Variants in NCKAP1 observed in about 807,000 individuals in gnomAD.
NCKAP1 encodes the protein nck-associated protein 1.
Under a neutral mutation model 151.2 loss-of-function variants are expected in NCKAP1, and 21 were observed. That is an observed-to-expected ratio of 0.14 (90% confidence interval 0.10 to 0.20). NCKAP1 has a LOEUF of 0.20. NCKAP1 is among the 10% of genes least tolerant of loss of function. The probability of loss-of-function intolerance (pLI) is 1.00; values close to 1 mark genes in which losing one functional copy is unlikely to be tolerated. For synonymous variants in NCKAP1, 484 were observed against 451.8 expected, an observed-to-expected ratio of 1.07 and a Z score of -0.90; for missense variants, 933 against 1,352.1, an observed-to-expected ratio of 0.69 and a Z score of 4.86.
At position 182,923,946 on chromosome 2, in the gene NCKAP1, C is replaced by T. The variant is rs1241327789; in HGVS notation, c.*1756G>A. 1 of 152,176 alleles carries T rather than the reference C, an allele frequency of 6.6e-6. No homozygotes were observed. The highest frequency in any genetic ancestry group is 2.4e-5 in the African/African-American group (1 of 41,450). The allele number at this position is 152,176 out of a possible 1,614,324, so 9.4% of individuals were successfully genotyped here. On this transcript the variant is annotated 3_prime_UTR_variant, in exon 31 of 31. Transcript: ENST00000361354. ...TTATTTTCATCCTTATGCCCTTTCACATATGATTCCAAAGTGTACATATCC... is the reference window on the plus strand; with the variant it reads ...TTATTTTCATCCTTATGCCCTTTCATATATGATTCCAAAGTGTACATATCC...
intron 1 of NCKAP1, among the ~76,000 whole-genome samples, chr2:183,034,856 T>C (rs999888966): frequency 6.6e-6 from 1 of 152,140 alleles, no homozygotes; most frequent in African/African-American, 2.4e-5. Flanking sequence ...TAGTGTTCCT[T>C]TTACAGTTAA....
At chr2:183,005,754 A>G (rs1698459348) in intron 2 of NCKAP1, among the ~76,000 whole-genome samples, 1 of 152,104 alleles carries the variant, frequency 6.6e-6, no homozygotes, top group South Asian at 2.1e-4. Context: ...GTATTCACAC[A>G]CTACATACGG....
intron 18 of NCKAP1, among the ~76,000 whole-genome samples, chr2:182,960,899 C>A (rs1256418414): frequency 1.3e-5 from 2 of 152,040 alleles, no homozygotes; most frequent in African/African-American, 2.4e-5. Context: ...AAACAAACAA[C>A]CCCATCAAAA....
intron 15 of NCKAP1, among the ~76,000 whole-genome samples, chr2:182,973,342 TA>T (rs1697738036): frequency 6.6e-6 from 1 of 151,978 alleles, no homozygotes; most frequent in Non-Finnish European, 1.5e-5. Flanking sequence ...TAAAAGAATA[TA>T]AACAATTTGA....
At chr2:182,999,939 G>T (rs976688366) in intron 6 of NCKAP1, among the ~76,000 whole-genome samples, 1 of 152,102 alleles carries the variant, frequency 6.6e-6, no homozygotes, top group African/African-American at 2.4e-5. Context: ...ACTTATAAGG[G>T]GAAGCTAAGC....
chr2:182,960,346 A>G (rs1378504636), intron 18 of NCKAP1, among the ~76,000 whole-genome samples: 1 of 152,256 alleles, frequency 6.6e-6, no homozygotes, highest in Non-Finnish European at 1.5e-5. Context: ...ACAAGGCTAC[A>G]GTAACCAAAA....
intron 18 of NCKAP1, among the ~76,000 whole-genome samples, chr2:182,958,979 T>C (rs1205141822): frequency 1.3e-5 from 2 of 152,132 alleles, no homozygotes; most frequent in African/African-American, 2.4e-5. Flanking sequence ...CATTTTGGGG[T>C]ATATAGGGTT....
intron 6 of NCKAP1, among the ~76,000 whole-genome samples, chr2:182,997,442 G>A (rs950189638): frequency 2.6e-5 from 4 of 152,060 alleles, no homozygotes; most frequent in African/African-American, 4.8e-5. Flanking sequence ...ATGTTGTGTC[G>A]CTATTTTCAT....
intron 23 of NCKAP1, among the ~76,000 whole-genome samples, chr2:182,946,138 G>A (rs1575022170): frequency 6.6e-6 from 1 of 152,152 alleles, no homozygotes; most frequent in East Asian, 1.9e-4. Flanking sequence ...AGTGGCTCAC[G>A]CCTGTAATCT....
intron 23 of NCKAP1, among the ~76,000 whole-genome samples, chr2:182,949,134 G>C (rs1697165432): frequency 6.6e-6 from 1 of 152,128 alleles, no homozygotes; most frequent in African/African-American, 2.4e-5. Flanking sequence ...TTACTACTTA[G>C]ATACTAAATC....
intron 15 of NCKAP1, among the ~76,000 whole-genome samples, chr2:182,972,196 T>C (rs1049999884): frequency 3.1e-5 from 2 of 63,644 alleles, no homozygotes; most frequent in African/African-American, 1.2e-4. Flanking sequence ...ACAATCAGAA[T>C]ATATAAGGAA....
chr2:183,004,024 T>C (rs1698420567), intron 2 of NCKAP1, among the ~76,000 whole-genome samples: 2 of 152,218 alleles, frequency 1.3e-5, no homozygotes, highest in East Asian at 1.9e-4. Flanking sequence ...TAAAAGAATC[T>C]AGCTATTTTT....
rs1696659575 is a variant in NCKAP1 at position 182,926,916 on chromosome 2, T to C, written c.3181-11A>G. ...ACTGGAGGATGCAAGCTTAAAAGTA[T>C]ACATACACATAAAGTGAGTTTGTTA... On this transcript the variant is annotated splice_polypyrimidine_tract_variant and intron_variant, in intron 29 of 30. Coordinates refer to ENST00000361354, the MANE Select transcript of NCKAP1 (RefSeq NM_013436.5). 1.3e-6 allele frequency: 2 copies of C among 1,551,820 alleles called. No homozygotes were observed. The highest frequency in any genetic ancestry group is 1.8e-6 in the Non-Finnish European group (2 of 1,131,532).
In NCKAP1 at chr2:182,918,614, G is replaced by GT. The variant is rs1180101484; in HGVS notation, c.*7087dup. 6.6e-6 allele frequency: 1 copy of GT among 152,228 alleles called. No individual in the cohort carries two copies. Among genetic ancestry groups the GT allele is most frequent in the African/African-American group, 2.4e-5 (1 of 41,462 alleles). The allele number at this position is 152,228 out of a possible 1,614,324, so 9.4% of individuals were successfully genotyped here. On this transcript the variant is annotated 3_prime_UTR_variant, in exon 31 of 31. Coordinates refer to ENST00000361354, the MANE Select transcript of NCKAP1 (RefSeq NM_013436.5). ...AACCAAATACCGTATGTTCTCACTT[G>GT]TAAGTGGGAGCTAAGCTATGTGTAT...
At chr2:183,017,099 T>G (rs1382034485) in intron 2 of NCKAP1, among the ~76,000 whole-genome samples, 1 of 152,124 alleles carries the variant, frequency 6.6e-6, no homozygotes, top group Non-Finnish European at 1.5e-5. Context: ...AGTTTTCTGT[T>G]TAGCTTGTGG....
intron 18 of NCKAP1, among the ~76,000 whole-genome samples, chr2:182,958,572 G>A (rs1424541837): frequency 6.6e-6 from 1 of 152,190 alleles, no homozygotes; most frequent in East Asian, 1.9e-4. Context: ...ATAGGCAAGT[G>A]TAATAAAAAA....
At chr2:183,002,881 C>T in intron 4 of NCKAP1, 93 bp downstream of exon 4, 2 of 814,624 alleles carry the variant, frequency 2.5e-6, no homozygotes, top group Non-Finnish European at 4.0e-6. Flanking sequence ...ACTTTATATG[C>T]TAGTTACATA....
intron 28 of NCKAP1, 82 bp downstream of exon 28, chr2:182,928,701 G>T: frequency 1.1e-6 from 1 of 917,528 alleles, no homozygotes; most frequent in Non-Finnish European, 1.6e-6. Context: ...CCAGTTAGTG[G>T]CAGAACTTAA....
At chr2:183,022,740 T>C (rs1450571615) in intron 2 of NCKAP1, 1 of 152,256 alleles carries the variant, frequency 6.6e-6, no homozygotes, top group Non-Finnish European at 1.5e-5. Flanking sequence ...TAGTTCTTAC[T>C]AGCATTTTCT....
Sources: allele counts gnomAD v4.1 joint callset (sites outside exome capture counted in the v4.1 genomes callset), GRCh38; gene constraint gnomAD v4.1.1; transcripts MANE v1.5; gene names NCBI Gene and HGNC (gene_info 2026-07-23, HGNC 2026-07-21).